The following YIPF5 variants were observed in gnomAD, a reference collection of about 807,000 sequenced individuals.
The protein encoded by YIPF5 is Yip1 domain family member 5.
Under a neutral mutation model 30.4 loss-of-function variants are expected in YIPF5, and 8 were observed. The ratio of observed to expected loss-of-function variants is 0.26; its 90% CI spans 0.15 to 0.47. The LOEUF (loss-of-function observed/expected upper bound fraction) is 0.47. Among genes scored for constraint, YIPF5 ranks in the 20% least tolerant of loss-of-function variants. The pLI is 0.99. For synonymous variants in YIPF5, 104 were observed against 107.9 expected (o/e 0.96, Z 0.23); for missense variants, 282 against 301.8 (o/e 0.93, Z 0.49).
chr5:144,159,500 T>G lies in YIPF5; in HGVS notation c.*897A>C, dbSNP rs548622744. On this transcript the variant is annotated 3_prime_UTR_variant, in exon 6 of 6. Transcript: ENST00000274496. ...AAGTGTTCGCATTTCATGTCTACAA[T>G]AAGGTAGATTGTGAACTTCCCGTAT... 905 of 985,260 alleles carry G rather than the reference T, an allele frequency of 9.2e-4. 1 individual carries two copies. Among genetic ancestry groups the G allele is most frequent in the Non-Finnish European group, 1.0e-3 (857 of 829,882 alleles). 61.0% of individuals were successfully genotyped at this position (985,260 alleles called of 1,614,324 possible).
At chr5:144,160,583 G>C in intron 5 of YIPF5, 24 bp from the exon 6 acceptor site, 1 of 1,580,702 alleles carries the variant, frequency 6.3e-7, no homozygotes, top group Non-Finnish European at 8.6e-7. Flanking sequence ...GGAAAAAGGG[G>C]GGAGAAGAAA....
At chr5:144,168,282 C>G (rs1031845887) in intron 2 of YIPF5, among the ~76,000 whole-genome samples, 1 of 151,728 alleles carries the variant, frequency 6.6e-6, no homozygotes, top group African/African-American at 2.4e-5. Context: ...TTAAGTGATG[C>G]AAACGTGGAC....
At chr5:144,163,560 C>T (rs905917669) in intron 4 of YIPF5, among the ~76,000 whole-genome samples, 11 of 152,012 alleles carry the variant, frequency 7.2e-5, no homozygotes, top group African/African-American at 1.4e-4. Flanking sequence ...TCCCATCTTC[C>T]GTATATTACA....
intron 5 of YIPF5, 140 bp from the exon 6 acceptor site, chr5:144,160,699 G>T: frequency 1.4e-6 from 1 of 716,560 alleles, no homozygotes; most frequent in Non-Finnish European, 2.0e-6. Context: ...AAAATAATCA[G>T]GATTTTTTTT....
intron 2 of YIPF5, among the ~76,000 whole-genome samples, chr5:144,167,704 T>C (rs893639263): frequency 6.6e-6 from 1 of 152,118 alleles, no homozygotes; most frequent in Non-Finnish European, 1.5e-5. Context: ...GAAACACCTA[T>C]AGAGGAAACC....
intron 2 of YIPF5, among the ~76,000 whole-genome samples, chr5:144,167,331 G>A (rs368493693): frequency 1.3e-5 from 2 of 152,056 alleles, no homozygotes; most frequent in Middle Eastern, 3.2e-3. Flanking sequence ...TGGCAGACAC[G>A]ATCTTTACAG....
Position 144,160,378 on chromosome 5 carries a change from C to G in YIPF5, c.*19G>C. 1 of 1,608,606 alleles carries G rather than the reference C, an allele frequency of 6.2e-7. No individual in the cohort carries two copies. The highest frequency in any genetic ancestry group is 8.5e-7 in the Non-Finnish European group (1 of 1,176,478). ...TTTTGTACATCTGGCCCACTGATGT[C>G]CACATCCCAGATAAATTTTCAAAAG... On this transcript the variant is annotated 3_prime_UTR_variant, in exon 6 of 6. Transcript: ENST00000274496.
At chr5:144,168,611 C>G (rs1196872237) in intron 2 of YIPF5, among the ~76,000 whole-genome samples, 1 of 152,066 alleles carries the variant, frequency 6.6e-6, no homozygotes, top group Non-Finnish European at 1.5e-5. Context: ...AATTAAGTAA[C>G]AGAAAAGAGA....
intron 5 of YIPF5, among the ~76,000 whole-genome samples, chr5:144,161,521 T>C (rs1021622752): frequency 6.6e-6 from 1 of 152,024 alleles, no homozygotes; most frequent in African/African-American, 2.4e-5. Flanking sequence ...TAATTTTGTA[T>C]TTTTAGTAGA....
intron 5 of YIPF5, among the ~76,000 whole-genome samples, chr5:144,161,865 G>A (rs2126756797): frequency 6.6e-6 from 1 of 152,184 alleles, no homozygotes; most frequent in African/African-American, 2.4e-5. Context: ...GAAATTAGGT[G>A]GGATCTAGAA....
chr5:144,170,063 T>C (rs2030529749), intron 1 of YIPF5, 98 bp from the exon 2 acceptor site: 1 of 942,712 alleles, frequency 1.1e-6, no homozygotes, highest in Admixed American at 2.0e-5. Flanking sequence ...ACAACAAATA[T>C]TTTTTCAGTA....
chr5:144,159,235 GTAGTT>G lies in YIPF5; in HGVS notation c.*1157_*1161del. 2.0e-6 allele frequency: 2 copies of G among 980,820 alleles called. No individual in the cohort carries two copies. Among genetic ancestry groups the G allele is most frequent in the Non-Finnish European group, 2.4e-6 (2 of 825,816 alleles). The allele number at this position is 980,820 out of a possible 1,614,324, so 60.8% of individuals were successfully genotyped here. On this transcript the variant is annotated 3_prime_UTR_variant, in exon 6 of 6. Transcript: ENST00000274496. ...AGTTAAAAAAGAGACAAAGAGAACA[GTAGTT>G]TAGTAAAAGTAAATTCAATAACACA...
intron 5 of YIPF5, 26 bp from the exon 6 acceptor site, chr5:144,160,585 G>GAAAAA: frequency 1.3e-6 from 2 of 1,571,560 alleles, no homozygotes; most frequent in African/African-American, 2.7e-5. Context: ...AAAAAGGGGG[G>GAAAAA]AGAAGAAAAA....
intron 3 of YIPF5, 24 bp from the exon 4 acceptor site, chr5:144,164,280 G>A: frequency 6.3e-7 from 1 of 1,586,368 alleles, no homozygotes; most frequent in Non-Finnish European, 8.6e-7. Context: ...AAATTTAAAA[G>A]TTAATTAGGA....
chr5:144,167,396 T>A (rs745636223), intron 2 of YIPF5, among the ~76,000 whole-genome samples: 8 of 152,180 alleles, frequency 5.3e-5, no homozygotes, highest in Non-Finnish European at 1.0e-4. Flanking sequence ...ATAAGTACTC[T>A]GTACCAGTAA....
chr5:144,162,441 G>A (rs1561513463), intron 4 of YIPF5, 42 bp from the exon 5 acceptor site: 4 of 1,548,110 alleles, frequency 2.6e-6, no homozygotes, highest in Non-Finnish European at 2.6e-6. Flanking sequence ...CAAAAAATAA[G>A]TTATTTCTGG....
In YIPF5 at chr5:144,165,608, T is replaced by C. The variant is rs753130969; in HGVS notation, c.111-4A>G. 4.3e-6 allele frequency: 7 copies of C among 1,613,482 alleles called. No individual in the cohort carries two copies. The highest frequency in any genetic ancestry group is 3.3e-5 in the Admixed American group (2 of 60,010). ...ATAGTCATAGCCAGCATACTGTCTA[T>C]AAATGAAAGAAAGTTAAATTTTTCA... On this transcript the variant is annotated splice_polypyrimidine_tract_variant and splice_region_variant and intron_variant, in intron 2 of 5. Coordinates refer to ENST00000274496, the MANE Select transcript of YIPF5 (RefSeq NM_030799.9).
At chr5:144,168,573 CAA>C (rs896060102) in intron 2 of YIPF5, among the ~76,000 whole-genome samples, 2 of 152,006 alleles carry the variant, frequency 1.3e-5, no homozygotes, top group African/African-American at 4.8e-5. Flanking sequence ...ATTAATTTAT[CAA>C]AAGAGATAAA....
At position 144,159,939 on chromosome 5, in the gene YIPF5, C is replaced by A. The variant is rs1240289446; in HGVS notation, c.*458G>T. On this transcript the variant is annotated 3_prime_UTR_variant, in exon 6 of 6. Coordinates refer to ENST00000274496, the MANE Select transcript of YIPF5 (RefSeq NM_030799.9). ...TAACCAGGATGGTCTCGATCTCCTG[C>A]CCTTGTGATCCGCCCGCCTCGGCCT... The A allele has an allele frequency of 5.8e-6, 5 of 866,526 alleles. No individual in the cohort carries two copies. Among genetic ancestry groups the A allele is most frequent in the African/African-American group, 1.8e-5 (1 of 54,672 alleles). The allele number at this position is 866,526 out of a possible 1,614,324, so 53.7% of individuals were successfully genotyped here. A position where few individuals can be genotyped will look rare whatever the true frequency, so the allele number is the denominator to read the frequency against.
Sources: gnomAD v4.1 joint callset for allele counts (sites outside exome capture counted in the v4.1 genomes callset) on GRCh38, gnomAD v4.1.1 for gene constraint, MANE v1.5 for transcripts, NCBI Gene and HGNC (gene_info 2026-07-23, HGNC 2026-07-21) for gene names.